The following ROBO2 variants were observed in gnomAD, a reference collection of about 807,000 sequenced individuals.
The protein encoded by ROBO2 is roundabout homolog 2.
In ROBO2, 53 loss-of-function variants were observed where a neutral mutation model predicts 160.8. The ratio of observed to expected loss-of-function variants is 0.33; its 90% confidence interval spans 0.26 to 0.41. ROBO2 has a LOEUF of 0.41. Among genes scored for constraint, ROBO2 ranks in the 10% least tolerant of loss-of-function variants. The probability of loss-of-function intolerance (pLI) is 1.00; values close to 1 mark genes in which losing one functional copy is unlikely to be tolerated. For missense variants in ROBO2, 1,577 were observed against 1,722.4 expected (o/e 0.92, Z 1.49); for synonymous variants, 664 against 611.7 (o/e 1.09, Z -1.26).
chr3:76,379,226 A>G (rs557081866), intron 2 of ROBO2, among the ~76,000 whole-genome samples: 82 of 152,216 alleles, frequency 5.4e-4, no homozygotes, highest in Non-Finnish European at 1.0e-3. Context: ...CACATACTAG[A>G]CAGCTTTGAA....
intron 2 of ROBO2, among the ~76,000 whole-genome samples, chr3:76,585,812 T>C (rs1386790747): frequency 6.6e-6 from 1 of 152,218 alleles, no homozygotes; most frequent in African/African-American, 2.4e-5. Context: ...GAATTTGTCA[T>C]TAGTTGGGAA....
chr3:76,992,643 T>C (rs73841788), intron 2 of ROBO2, among the ~76,000 whole-genome samples: 3 of 147,752 alleles, frequency 2.0e-5, no homozygotes, highest in African/African-American at 5.1e-5. Context: ...AAAATAAGAA[T>C]TTTTTTTTTC....
At chr3:76,881,065 C>T (rs1200507056) in intron 2 of ROBO2, among the ~76,000 whole-genome samples, 1 of 152,142 alleles carries the variant, frequency 6.6e-6, no homozygotes, top group Non-Finnish European at 1.5e-5. Context: ...TGCTTAATTA[C>T]AATACACTGT....
chr3:76,991,957 T>C (rs536392029), intron 2 of ROBO2, among the ~76,000 whole-genome samples: 25 of 152,140 alleles, frequency 1.6e-4, no homozygotes, highest in Non-Finnish European at 3.4e-4. Flanking sequence ...TATGGGACAC[T>C]GTAGAAATGT....
intron 2 of ROBO2, among the ~76,000 whole-genome samples, chr3:76,277,316 A>G (rs557805341): frequency 6.6e-6 from 1 of 152,024 alleles, no homozygotes; most frequent in Non-Finnish European, 1.5e-5. Flanking sequence ...AACAACAAAC[A>G]ACAGGTTTTA....
chr3:76,645,997 T>TA (rs968511122), intron 2 of ROBO2, among the ~76,000 whole-genome samples: 21 of 152,136 alleles, frequency 1.4e-4, no homozygotes, highest in Non-Finnish European at 3.1e-4. Flanking sequence ...GGCTTGGGCA[T>TA]AAAAAAGGTG....
At chr3:76,168,120 T>C (rs1168594231) in intron 2 of ROBO2, among the ~76,000 whole-genome samples, 1 of 152,138 alleles carries the variant, frequency 6.6e-6, no homozygotes, top group Non-Finnish European at 1.5e-5. Context: ...GAAAGAAACC[T>C]AGGGAGAAAG....
chr3:76,967,707 G>C (rs879485910), intron 2 of ROBO2, among the ~76,000 whole-genome samples: 1 of 149,034 alleles, frequency 6.7e-6, no homozygotes, highest in Non-Finnish European at 1.5e-5. Context: ...TGTTTGTTTT[G>C]TTTGTTGTTT....
chr3:76,462,194 C>A (rs550664661), intron 2 of ROBO2, among the ~76,000 whole-genome samples: 1 of 152,196 alleles, frequency 6.6e-6, no homozygotes, highest in South Asian at 2.1e-4. Flanking sequence ...AAGTACAATG[C>A]AAAAGCATAA....
intron 2 of ROBO2, among the ~76,000 whole-genome samples, chr3:77,104,764 A>T (rs940199144): frequency 1.3e-5 from 2 of 152,174 alleles, no homozygotes; most frequent in Non-Finnish European, 2.9e-5. Context: ...TGTTTTATCC[A>T]TATTATTATG....
intron 2 of ROBO2, among the ~76,000 whole-genome samples, chr3:76,241,049 G>T (rs2107514458): frequency 6.6e-6 from 1 of 152,220 alleles, no homozygotes; most frequent in South Asian, 2.1e-4. Flanking sequence ...AACAGTTTTG[G>T]TTTATGAAAT....
intron 2 of ROBO2, among the ~76,000 whole-genome samples, chr3:77,383,678 A>C (rs1173023823): frequency 6.6e-6 from 1 of 152,134 alleles, no homozygotes; most frequent in Non-Finnish European, 1.5e-5. Context: ...AAAAGCTGTT[A>C]ACTTAGGATT....
chr3:77,451,707 C>T (rs1560871592), intron 2 of ROBO2, among the ~76,000 whole-genome samples: 1 of 152,020 alleles, frequency 6.6e-6, no homozygotes, highest in Non-Finnish European at 1.5e-5. Flanking sequence ...ATTCTCCCTT[C>T]TACTCTTTCT....
At chr3:76,183,143 G>C (rs528100328) in intron 2 of ROBO2, among the ~76,000 whole-genome samples, 51 of 152,166 alleles carry the variant, frequency 3.4e-4, no homozygotes, top group Non-Finnish European at 2.9e-4. Flanking sequence ...TGAAACCTAG[G>C]TTCAGCTGTG....
intron 2 of ROBO2, among the ~76,000 whole-genome samples, chr3:76,403,868 G>A (rs1451144124): frequency 6.6e-6 from 1 of 151,342 alleles, no homozygotes; most frequent in East Asian, 1.9e-4. Context: ...TATTTCCTTT[G>A]GTATTTAGGA....
At chr3:76,046,609 C>T (rs1252049908) in intron 2 of ROBO2, among the ~76,000 whole-genome samples, 1 of 151,894 alleles carries the variant, frequency 6.6e-6, no homozygotes, top group Non-Finnish European at 1.5e-5. Flanking sequence ...GATCGCGCCA[C>T]TGCACTCCAG....
At chr3:76,633,034 A>G (rs1031055615) in intron 2 of ROBO2, among the ~76,000 whole-genome samples, 2 of 152,206 alleles carry the variant, frequency 1.3e-5, no homozygotes, top group African/African-American at 4.8e-5. Context: ...ACAGGGAAAG[A>G]TGTCACAACA....
At chr3:77,595,798 G>C (rs1034862612) in intron 18 of ROBO2, among the ~76,000 whole-genome samples, 1 of 152,106 alleles carries the variant, frequency 6.6e-6, no homozygotes, top group Non-Finnish European at 1.5e-5. Context: ...GCAAGAAAGC[G>C]GTTGGGTCTT....
intron 2 of ROBO2, among the ~76,000 whole-genome samples, chr3:76,388,579 A>C (rs770810724): frequency 2.0e-5 from 3 of 152,064 alleles, no homozygotes; most frequent in Non-Finnish European, 4.4e-5. Flanking sequence ...ATTTGTATTT[A>C]CTCTTCTGTC....
Sources: allele counts gnomAD v4.1 joint callset (sites outside exome capture counted in the v4.1 genomes callset), GRCh38; gene constraint gnomAD v4.1.1; transcripts MANE v1.5; gene names NCBI Gene and HGNC (gene_info 2026-07-23, HGNC 2026-07-21).